The following ACVR1B variants were observed in gnomAD, a reference collection of about 807,000 sequenced individuals.
The protein encoded by ACVR1B is activin A receptor type 1B, also known as activin receptor type-1B.
A neutral mutation model predicts 55.6 loss-of-function variants in ACVR1B; 15 were observed. The observed-to-expected ratio is 0.27, with a 90% CI of 0.18 to 0.42. ACVR1B has a LOEUF of 0.42. ACVR1B is among the 10% of genes least tolerant of loss of function. ACVR1B has a pLI of 1.00. For synonymous variants in ACVR1B, 247 were observed against 254.6 expected (o/e 0.97, Z 0.28); for missense variants, 359 against 670.1 (o/e 0.54, Z 5.13).
intron 5 of ACVR1B, among the ~76,000 whole-genome samples, chr12:51,984,604 T>C (rs1250391478): frequency 6.6e-6 from 1 of 152,232 alleles, no homozygotes; most frequent in African/African-American, 2.4e-5. Context: ...GCCTTACTAA[T>C]CTGGGAAGGT....
rs748742473 is a variant in ACVR1B, at chr12:51,975,316, C to T, written c.143C>T (p.Thr48Ile). 6.2e-7 allele frequency: 1 copy of T among 1,613,974 alleles called. No homozygotes were observed. Among genetic ancestry groups the T allele is most frequent in the African/African-American group, 1.3e-5 (1 of 74,944 alleles). Reference sequence around the variant, plus strand: ...CTCCAGGCCAACTACACGTGTGAGACAGATGGGGCCTGCATGGTTTCCATT... The same window carrying T: ...CTCCAGGCCAACTACACGTGTGAGATAGATGGGGCCTGCATGGTTTCCATT... ...SCLQANYTCE[T>I]DGACMVSIFN... Residue 48 changes from threonine to isoleucine, a missense_variant, in exon 2 of 9, where the codon ACA (threonine) becomes ATA (isoleucine). Thr to Ile is a moderately conservative substitution (Grantham distance 89). Coordinates refer to ENST00000257963, the MANE Select transcript of ACVR1B (RefSeq NM_004302.5).
chr12:51,992,168 T>C, intron 8 of ACVR1B, 175 bp downstream of exon 8: 1 of 828,938 alleles, frequency 1.2e-6, no homozygotes, highest in Non-Finnish European at 1.9e-6. Context: ...TCTCTTGTCC[T>C]GGACCCTGTA....
intron 1 of ACVR1B, among the ~76,000 whole-genome samples, chr12:51,957,558 A>G (rs1941438767): frequency 6.6e-6 from 1 of 151,376 alleles, no homozygotes. Flanking sequence ...CGCACATGCC[A>G]CCATACCCGG....
intron 1 of ACVR1B, among the ~76,000 whole-genome samples, chr12:51,955,010 T>G (rs1941381044): frequency 6.6e-6 from 1 of 152,258 alleles, no homozygotes; most frequent in Non-Finnish European, 1.5e-5. Flanking sequence ...GGCAGGCTCT[T>G]ACATCGTCGA....
At chr12:51,966,751 G>T (rs1396469307) in intron 1 of ACVR1B, among the ~76,000 whole-genome samples, 1 of 152,104 alleles carries the variant, frequency 6.6e-6, no homozygotes, top group Non-Finnish European at 1.5e-5. Context: ...GCCCTTCTTG[G>T]ATCTGGGTTT....
At chr12:51,979,236 C>G (rs1302125244) in intron 3 of ACVR1B, among the ~76,000 whole-genome samples, 7 of 149,394 alleles carry the variant, frequency 4.7e-5, no homozygotes, top group African/African-American at 1.7e-4. Context: ...GAGGCCGAGG[C>G]GGGTAGATCA....
rs769245927 is a variant in ACVR1B, at chr12:51,987,015, C to G, written c.1261+73C>G. The G allele has an allele frequency of 3.7e-6, 6 of 1,603,848 alleles. No homozygotes were observed. The African/African-American group carries it at 8.0e-5, about 21-fold the overall frequency. On this transcript the variant is annotated intron_variant, in intron 7 of 8. Coordinates refer to ENST00000257963, the MANE Select transcript of ACVR1B (RefSeq NM_004302.5). Reference sequence around the variant, plus strand: ...GGATCACCCAAAGCTGTTTTACTGCCCCCTTTCTTTTTACAACCTGTTGGA... The same window carrying G: ...GGATCACCCAAAGCTGTTTTACTGCGCCCTTTCTTTTTACAACCTGTTGGA...
intron 6 of ACVR1B, 69 bp downstream of exon 6, chr12:51,985,417 A>G: frequency 2.6e-6 from 4 of 1,514,846 alleles, no homozygotes; most frequent in East Asian, 2.3e-5. Context: ...GCCGTTTCCC[A>G]TATGCGCAGG....
chr12:51,969,834 A>G (rs777291880), intron 1 of ACVR1B, among the ~76,000 whole-genome samples: 7 of 152,160 alleles, frequency 4.6e-5, no homozygotes, highest in Non-Finnish European at 7.4e-5. Context: ...GCAGTGAGCT[A>G]TGACTGCACC....
At chr12:51,962,358 T>TTTG (rs760742923) in intron 1 of ACVR1B, among the ~76,000 whole-genome samples, 25 of 152,200 alleles carry the variant, frequency 1.6e-4, no homozygotes, top group East Asian at 1.4e-3. Context: ...TACCAGTACA[T>TTTG]TTGTTGTTGT....
At chr12:51,975,224 C>G in intron 1 of ACVR1B, 41 bp from the exon 2 acceptor site, 1 of 1,585,586 alleles carries the variant, frequency 6.3e-7, no homozygotes, top group Non-Finnish European at 8.6e-7. Flanking sequence ...TGCAAAAGAT[C>G]TCACCATTGA....
intron 4 of ACVR1B, 101 bp downstream of exon 4, chr12:51,981,300 C>G (rs944476809): frequency 2.9e-6 from 3 of 1,017,326 alleles, no homozygotes; most frequent in Middle Eastern, 2.2e-4. Flanking sequence ...CATTGTAACC[C>G]GTAGAAAGAA....
chr12:51,992,316 G>C, intron 8 of ACVR1B: 1 of 431,228 alleles, frequency 2.3e-6, no homozygotes, highest in East Asian at 3.6e-5. Flanking sequence ...ACAAACCTGG[G>C]CAATGTGGGG....
At chr12:51,969,561 G>C (rs1394000580) in intron 1 of ACVR1B, among the ~76,000 whole-genome samples, 4 of 152,136 alleles carry the variant, frequency 2.6e-5, no homozygotes, top group Non-Finnish European at 5.9e-5. Flanking sequence ...GTGGCAGTAT[G>C]GTTTCTCTAA....
chr12:51,973,807 A>G (rs1478026608), intron 1 of ACVR1B, among the ~76,000 whole-genome samples: 1 of 152,056 alleles, frequency 6.6e-6, no homozygotes, highest in South Asian at 2.1e-4. Flanking sequence ...ATAAGTGAAG[A>G]TCTGCACTGT....
chr12:51,986,408 G>A (rs1290881045), intron 6 of ACVR1B, among the ~76,000 whole-genome samples: 1 of 152,158 alleles, frequency 6.6e-6, no homozygotes, highest in Non-Finnish European at 1.5e-5. Context: ...ACAGGCGCCT[G>A]CCACCATGCC....
intron 8 of ACVR1B, among the ~76,000 whole-genome samples, chr12:51,992,817 T>C (rs1942219190): frequency 6.6e-6 from 1 of 152,022 alleles, no homozygotes; most frequent in South Asian, 2.1e-4. Flanking sequence ...ATCAGGGGTG[T>C]GGGGGAAACA....
At chr12:51,973,342 T>C (rs1941783685) in intron 1 of ACVR1B, among the ~76,000 whole-genome samples, 1 of 152,220 alleles carries the variant, frequency 6.6e-6, no homozygotes, top group South Asian at 2.1e-4. Flanking sequence ...TTCTCTTTGC[T>C]GGACATCACA....
intron 8 of ACVR1B, 92 bp from the exon 9 acceptor site, chr12:51,993,893 C>CG: frequency 6.8e-7 from 1 of 1,477,008 alleles, no homozygotes; most frequent in Non-Finnish European, 9.1e-7. Context: ...CTGCACTGAG[C>CG]GGGAGGTGGC....
Sources: gnomAD v4.1 joint callset for allele counts (sites outside exome capture counted in the v4.1 genomes callset) on GRCh38, gnomAD v4.1.1 for gene constraint, MANE v1.5 for transcripts, NCBI Gene and HGNC (gene_info 2026-07-23, HGNC 2026-07-21) for gene names.